The following NFATC3 variants were observed in gnomAD, a reference collection of about 807,000 sequenced individuals.
NFATC3 encodes nuclear factor of activated T-cells, cytoplasmic 3.
NFATC3 carries 46 observed loss-of-function variants against 98.6 expected under a neutral mutation model. That is an observed-to-expected ratio of 0.47 (90% CI 0.37 to 0.60). The LOEUF is 0.60. NFATC3 is among the 20% of genes least tolerant of loss of function. NFATC3 has a pLI of 0.00. For synonymous variants in NFATC3, 512 were observed against 472.2 expected (o/e 1.08, Z -1.09); for missense variants, 1,256 against 1,295.5 (o/e 0.97, Z 0.47).
intron 1 of NFATC3, among the ~76,000 whole-genome samples, chr16:68,092,717 C>T (rs1045376478): frequency 6.6e-6 from 1 of 152,048 alleles, no homozygotes; most frequent in African/African-American, 2.4e-5. Flanking sequence ...ATAAGGATAC[C>T]CTGTTTCTTA....
At chr16:68,221,314 C>G (rs774433779) in intron 9 of NFATC3, 72 of 1,611,074 alleles carry the variant, frequency 4.5e-5, no homozygotes, top group Non-Finnish European at 5.8e-5. Flanking sequence ...GCCCCCAGCC[C>G]GAGGGAGAAG....
At chr16:68,100,275 A>T (rs544362238) in intron 1 of NFATC3, among the ~76,000 whole-genome samples, 1 of 151,928 alleles carries the variant, frequency 6.6e-6, no homozygotes, top group Admixed American at 6.6e-5. Flanking sequence ...CTGTGAATTT[A>T]GTTTTATAAG....
chr16:68,153,064 C>T (rs1156746621), intron 3 of NFATC3, among the ~76,000 whole-genome samples: 1 of 152,164 alleles, frequency 6.6e-6, no homozygotes, highest in Non-Finnish European at 1.5e-5. Context: ...GAATGTCATT[C>T]TTTTGAGGCA....
Position 68,191,842 on chromosome 16 carries a change from T to C in NFATC3, c.3106+67T>C, listed in dbSNP as rs767588532. The C allele has an allele frequency of 3.2e-6, 5 of 1,547,860 alleles. No individual in the cohort carries two copies. The East Asian group carries it at 1.1e-4, about 35-fold the overall frequency. ...AGGGACTTTATTCTCCCAAGTGTCA[T>C]GAAAAAGTTTCTATGGATTGCTTAT... is the stretch of plus-strand genomic sequence containing the variant. On this transcript the variant is annotated intron_variant, in intron 9 of 9. Transcript: ENST00000346183.
intron 4 of NFATC3, among the ~76,000 whole-genome samples, chr16:68,164,071 A>C (rs895507718): frequency 7.7e-4 from 117 of 152,268 alleles, no homozygotes; most frequent in Non-Finnish European, 1.3e-3. Context: ...TGGAGGTTGT[A>C]GCGAGCCGAG....
At chr16:68,095,278 T>C (rs961738954) in intron 1 of NFATC3, among the ~76,000 whole-genome samples, 1 of 151,900 alleles carries the variant, frequency 6.6e-6, no homozygotes, top group African/African-American at 2.4e-5. Flanking sequence ...GTTCAGGTGA[T>C]TGTGATGCCT....
intron 9 of NFATC3, chr16:68,200,571 T>C (rs2040869885): frequency 6.6e-6 from 1 of 152,144 alleles, no homozygotes; most frequent in Admixed American, 6.6e-5. Flanking sequence ...CAGATATTCC[T>C]TTGGGGGTTA....
intron 3 of NFATC3, among the ~76,000 whole-genome samples, chr16:68,135,508 T>C (rs2037354525): frequency 6.6e-6 from 1 of 150,420 alleles, no homozygotes; most frequent in African/African-American, 2.4e-5. Flanking sequence ...TACTTGTTGC[T>C]GAGAAACTAA....
At chr16:68,202,726 C>G (rs1030735939) in intron 9 of NFATC3, among the ~76,000 whole-genome samples, 1 of 152,024 alleles carries the variant, frequency 6.6e-6, no homozygotes, top group Admixed American at 6.6e-5. Flanking sequence ...GCAGGAGAAT[C>G]GCTTGAACCT....
Position 68,228,665 on chromosome 16 carries a change from T to G in NFATC3, c.*2194T>G, listed in dbSNP as rs2042082109. On this transcript the variant is annotated 3_prime_UTR_variant, in exon 10 of 10. Coordinates refer to ENST00000346183, the MANE Select transcript of NFATC3 (RefSeq NM_173165.3). ...GTTAAGAGTCAATATTTTTTGGCTT[T>G]GTAGATAAAGACTTAAATTTTTGTG... is the stretch of plus-strand genomic sequence containing the variant. 6.6e-6 allele frequency: 1 copy of G among 152,668 alleles called. No homozygotes were observed. The highest frequency in any genetic ancestry group is 2.1e-4 in the South Asian group (1 of 4,832). The allele number at this position is 152,668 out of a possible 1,614,324, so 9.5% of individuals were successfully genotyped here.
chr16:68,092,074 A>G (rs1282496850), intron 1 of NFATC3, among the ~76,000 whole-genome samples: 1 of 152,240 alleles, frequency 6.6e-6, no homozygotes, highest in East Asian at 1.9e-4. Context: ...TTGGGGCTCT[A>G]AGATTTAAGT....
chr16:68,184,659 C>T (rs1440905062), intron 8 of NFATC3, among the ~76,000 whole-genome samples: 1 of 151,896 alleles, frequency 6.6e-6, no homozygotes, highest in East Asian at 1.9e-4. Context: ...AAAAAATTAG[C>T]CGGGCGTGGT....
chr16:68,089,203 G>T (rs552400577), intron 1 of NFATC3: 4 of 985,404 alleles, frequency 4.1e-6, no homozygotes, highest in Non-Finnish European at 4.8e-6. Flanking sequence ...AAATAGTGAG[G>T]TAAGTGGATA....
At chr16:68,109,013 T>A (rs574196142) in intron 1 of NFATC3, among the ~76,000 whole-genome samples, 1 of 152,342 alleles carries the variant, frequency 6.6e-6, no homozygotes, top group South Asian at 2.1e-4. Flanking sequence ...TCATGCCATC[T>A]GCAAACAAAG....
At chr16:68,163,781 C>T (rs1202364316) in intron 4 of NFATC3, among the ~76,000 whole-genome samples, 7 of 149,780 alleles carry the variant, frequency 4.7e-5, no homozygotes, top group African/African-American at 1.2e-4. Flanking sequence ...GGGGCAGAGG[C>T]GCTCCCCACA....
At chr16:68,143,209 TA>T (rs5817630) in intron 3 of NFATC3, among the ~76,000 whole-genome samples, 1,024 of 49,776 alleles carry the variant, frequency 0.021, 2 homozygotes, top group African/African-American at 0.036. Flanking sequence ...AAGACCATGC[TA>T]AAAAAAAAAA....
rs2040405482 is a variant in NFATC3, at chr16:68,191,035, C to T, written c.2366C>T (p.Pro789Leu). 10 of 1,614,102 alleles carry T rather than the reference C, an allele frequency of 6.2e-6. No homozygotes were observed. Among genetic ancestry groups the T allele is most frequent in the African/African-American group, 1.3e-5 (1 of 74,934 alleles). Residue 789 changes from proline (P) to leucine (L), a missense_variant, in exon 9 of 10, where the codon CCT becomes CTT. By Grantham distance (98) the Pro-to-Leu change is moderately conservative. Around this residue, in one of 3 missense-constraint regions of NFATC3, gnomAD observed 636 missense variants for 617.3 expected, o/e 1.03. Transcript: ENST00000346183. The part of the protein sequence containing the change: ...HMIPSPIVHQ[P>L]FQVTPTPPVG... ...ATTCCTTCTCCAATTGTACACCAGCCTTTTCAAGTCACACCAACACCTCCT... is the reference window on the plus strand; with the variant it reads ...ATTCCTTCTCCAATTGTACACCAGCTTTTTCAAGTCACACCAACACCTCCT...
intron 3 of NFATC3, among the ~76,000 whole-genome samples, chr16:68,135,534 A>T (rs2037356495): frequency 6.6e-6 from 1 of 151,916 alleles, no homozygotes; most frequent in East Asian, 1.9e-4. Context: ...AATAAATTTA[A>T]AATAGTCTTT....
At chr16:68,185,151 A>G (rs1268388777) in intron 8 of NFATC3, among the ~76,000 whole-genome samples, 1 of 151,778 alleles carries the variant, frequency 6.6e-6, no homozygotes, top group Non-Finnish European at 1.5e-5. Context: ...TAATTTTTGT[A>G]TTTTTAGTGG....
Sources: gnomAD v4.1 joint callset for allele counts (sites outside exome capture counted in the v4.1 genomes callset) on GRCh38, gnomAD v4.1.1 for gene constraint, gnomAD v4.1.1 regional missense constraint, MANE v1.5 for transcripts, NCBI Gene and HGNC (gene_info 2026-07-23, HGNC 2026-07-21) for gene names.